The following TUBGCP2 variants were observed in gnomAD, a reference collection of about 807,000 sequenced individuals.
TUBGCP2 encodes the protein gamma-tubulin complex component 2.
Under a neutral mutation model 92.2 loss-of-function variants are expected in TUBGCP2, and 55 were observed. The ratio of observed to expected loss-of-function variants is 0.60; its 90% CI spans 0.48 to 0.75. TUBGCP2 has a LOEUF of 0.75. Among genes scored for constraint, TUBGCP2 ranks in the 30% least tolerant of loss-of-function variants. TUBGCP2 has a pLI of 0.00. For synonymous variants in TUBGCP2, 533 were observed against 505.2 expected (o/e 1.06, Z -0.74); for missense variants, 1,093 against 1,188.9 (o/e 0.92, Z 1.19).
chr10:133,310,092 A>G, upstream of TUBGCP2: 1 of 1,611,308 alleles, frequency 6.2e-7, no homozygotes, highest in Non-Finnish European at 8.5e-7. Context: ...CGCCCTTGGC[A>G]GCTCTGCTAC....
upstream of TUBGCP2, chr10:133,310,232 G>A (rs556799110): frequency 6.2e-7 from 1 of 1,614,072 alleles, no homozygotes; most frequent in African/African-American, 1.3e-5. Context: ...ATCACATGGT[G>A]AGGATGCACC....
rs1271608789 is a variant in TUBGCP2, at chr10:133,293,692, A to G, written c.694T>C (p.Tyr232His). Residue 232 changes from tyrosine (Y) to histidine (H), a missense_variant, in exon 6 of 18, where the codon TAC (tyrosine) becomes CAC (histidine). Around this residue, in one of 3 missense-constraint regions of TUBGCP2, gnomAD observed 490 missense variants for 488.5 expected, o/e 1.00. Coordinates refer to ENST00000252936, the MANE Select transcript of TUBGCP2 (RefSeq NM_006659.4). ...LYVLVGVDGR[Y>H]VSAQPLAGRQ... is the part of the protein sequence containing the mutation. Reference sequence around the variant, plus strand: ...CCAGCCAGGGGCTGAGCACTGACGTACCTCCCGTCCACGCCCACCAGCACG... The same window carrying G: ...CCAGCCAGGGGCTGAGCACTGACGTGCCTCCCGTCCACGCCCACCAGCACG... 1.2e-6 allele frequency: 2 copies of G among 1,603,314 alleles called. No individual in the cohort carries two copies. The highest frequency in any genetic ancestry group is 3.4e-5 in the Admixed American group (2 of 58,532).
chr10:133,289,608 G>A (rs1847221943), intron 9 of TUBGCP2, among the ~76,000 whole-genome samples: 1 of 152,210 alleles, frequency 6.6e-6, no homozygotes, highest in East Asian at 1.9e-4. Context: ...ATGGAAACCT[G>A]AGGGAACCTG....
chr10:133,309,310 G>C (rs892362392), upstream of TUBGCP2: 5 of 1,519,060 alleles, frequency 3.3e-6, no homozygotes, highest in African/African-American at 6.9e-5. Context: ...GATGACTGGG[G>C]CCACGGGTGT....
At chr10:133,296,364 A>G (rs1847487489) in intron 5 of TUBGCP2, among the ~76,000 whole-genome samples, 2 of 151,094 alleles carry the variant, frequency 1.3e-5, no homozygotes, top group African/African-American at 2.4e-5. Context: ...GGTGCCCACC[A>G]CTCCCCGGCT....
upstream of TUBGCP2, chr10:133,309,195 C>T (rs986765391): frequency 1.2e-5 from 15 of 1,209,312 alleles, no homozygotes; most frequent in South Asian, 3.4e-5. Context: ...CCTACGACTG[C>T]GGGGCGGGGC....
chr10:133,287,075 C>T (rs1230890862), intron 11 of TUBGCP2, among the ~76,000 whole-genome samples: 1 of 152,056 alleles, frequency 6.6e-6, no homozygotes, highest in Admixed American at 6.5e-5. Context: ...TCAGCTAAGA[C>T]GAAAGAAGAT....
chr10:133,280,008 G>A (rs751038800), intron 17 of TUBGCP2, 107 bp from the exon 18 acceptor site: 28 of 1,490,532 alleles, frequency 1.9e-5, no homozygotes, highest in South Asian at 5.1e-5. Context: ...CCCCTTCTGC[G>A]GGTGCGTGCT....
chr10:133,287,352 G>A (rs1847156238), intron 11 of TUBGCP2, among the ~76,000 whole-genome samples: 1 of 152,336 alleles, frequency 6.6e-6, no homozygotes, highest in East Asian at 1.9e-4. Flanking sequence ...GGAGGCGCAG[G>A]TGAAGGATCG....
chr10:133,309,140 G>A (rs1847921314), upstream of TUBGCP2: 2 of 1,383,168 alleles, frequency 1.4e-6, no homozygotes, highest in Admixed American at 3.4e-5. Context: ...GGATCCAGTG[G>A]GGCCTACGGC....
intron 15 of TUBGCP2, 78 bp downstream of exon 15, chr10:133,283,000 G>A (rs965701963): frequency 6.4e-7 from 1 of 1,567,348 alleles, no homozygotes; most frequent in African/African-American, 1.4e-5. Context: ...ACGTGAGCAG[G>A]CTGCGTGCGG....
chr10:133,283,001 C>A, intron 15 of TUBGCP2, 77 bp downstream of exon 15: 1 of 1,570,884 alleles, frequency 6.4e-7, no homozygotes, highest in Non-Finnish European at 8.7e-7. Flanking sequence ...CGTGAGCAGG[C>A]TGCGTGCGGC....
chr10:133,283,685 CCCGCATTCCCTGCCTCT>C, intron 14 of TUBGCP2, among the ~76,000 whole-genome samples, 180 bp downstream of exon 14: 1 of 6,206 alleles, frequency 1.6e-4, no homozygotes, highest in Non-Finnish European at 3.6e-4. Flanking sequence ...CCCTGCCTCT[CCCGCATTCCCTGCCTCT>C]CCCGCACGCC....
In TUBGCP2 at chr10:133,285,453, C is replaced by T. The variant is rs1293292858; in HGVS notation, c.1895+3G>A. On this transcript the variant is annotated splice_donor_region_variant and intron_variant, in intron 12 of 17. Coordinates refer to ENST00000252936, the MANE Select transcript of TUBGCP2 (RefSeq NM_006659.4). The surrounding 1 kb of genome is among the most constrained non-coding windows in gnomAD (Gnocchi z 6.8). ...GGCAGGTGCCCGAGCAGCCGACCCG[C>T]ACCTGTTGATGATGAGCGAAAGGGG... 1.9e-6 allele frequency: 3 copies of T among 1,613,552 alleles called. No individual in the cohort carries two copies. Among genetic ancestry groups the T allele is most frequent in the Non-Finnish European group, 1.7e-6 (2 of 1,179,950 alleles).
Position 133,285,116 on chromosome 10 carries a change from C to T in TUBGCP2, c.1993G>A (p.Ala665Thr), listed in dbSNP as rs1005719770. Reference sequence around the variant, plus strand: ...GCGGAGTGCAGCGAGTGCTGCTTGGCGGTTTTGTTGCTGATCCAGACGCTG... The same window carrying T: ...GCGGAGTGCAGCGAGTGCTGCTTGGTGGTTTTGTTGCTGATCCAGACGCTG... Reference protein sequence around the residue: ...LCSVWISNKTAKQHSLHSAQW... With the variant: ...LCSVWISNKTTKQHSLHSAQW... Residue 665 changes from alanine to threonine, a missense_variant, in exon 13 of 18, where the codon GCC becomes ACC. This residue lies in a region of TUBGCP2 where 598 missense variants were observed against 675.5 expected (regional missense o/e 0.89). Transcript: ENST00000252936. This position sits in a 1 kb window ranked among gnomAD's most constrained non-coding sequence, Gnocchi z 6.8. 3 of 1,610,952 alleles carry T rather than the reference C, an allele frequency of 1.9e-6. No individual in the cohort carries two copies. The highest frequency in any genetic ancestry group is 4.5e-5 in the East Asian group (2 of 44,786).
At position 133,293,022 on chromosome 10, in the gene TUBGCP2, C is replaced by T. The variant is rs1252311424; in HGVS notation, c.1024+17G>A. The T allele has an allele frequency of 2.5e-6, 4 of 1,611,062 alleles. No homozygotes were observed. Among genetic ancestry groups the T allele is most frequent in the African/African-American group, 1.3e-5 (1 of 75,008 alleles). On this transcript the variant is annotated intron_variant, in intron 7 of 17. Coordinates refer to ENST00000252936, the MANE Select transcript of TUBGCP2 (RefSeq NM_006659.4). Reference sequence around the variant, plus strand: ...TGCCACCCACCACTGCCCCATGCCCCCCGGGCGGGCACGCACCGAGGGAGG... The same window carrying T: ...TGCCACCCACCACTGCCCCATGCCCTCCGGGCGGGCACGCACCGAGGGAGG...
upstream of TUBGCP2, chr10:133,310,209 A>C: frequency 6.2e-7 from 1 of 1,614,094 alleles, no homozygotes; most frequent in Non-Finnish European, 8.5e-7. Context: ...CAAGACCAGC[A>C]GAGACCGGAA....
In TUBGCP2 at chr10:133,293,578, A is replaced by T. The variant is rs760015497; in HGVS notation, c.808T>A (p.Tyr270Asn). ...VHRILPVAAS[Y>N]SAVTRFIEEK... ...GGTGCCCACCTGGTCACAGCGGAGT[A>T]GCTGGCGGCCACTGGGAGGATCCTG... Residue 270 changes from tyrosine to asparagine, a missense_variant, in exon 6 of 18, where the codon TAC (tyrosine) becomes AAC (asparagine). Physicochemically the swap from Tyr to Asn is moderately radical, Grantham distance 143. Around this residue, in one of 3 missense-constraint regions of TUBGCP2, gnomAD observed 490 missense variants for 488.5 expected, o/e 1.00. Transcript: ENST00000252936. 64 of 1,552,472 alleles carry T rather than the reference A, an allele frequency of 4.1e-5. No homozygotes were observed. In the East Asian group the frequency reaches 1.4e-3, roughly 34 times the overall value.
intron 16 of TUBGCP2, 34 bp from the exon 17 acceptor site, chr10:133,281,470 C>A: frequency 6.2e-7 from 1 of 1,602,524 alleles, no homozygotes; most frequent in South Asian, 1.1e-5. Context: ...GAGCCATGCC[C>A]ACCCCCACCG....
Sources: allele counts gnomAD v4.1 joint callset (sites outside exome capture counted in the v4.1 genomes callset), GRCh38; gene constraint gnomAD v4.1.1; regional missense constraint gnomAD v4.1.1; non-coding constraint Gnocchi (gnomAD v3.1); transcripts MANE v1.5; gene names NCBI Gene and HGNC (gene_info 2026-07-23, HGNC 2026-07-21).